Variants in PES1 observed in about 807,000 individuals in gnomAD.
PES1 encodes pescadillo ribosomal biogenesis factor 1.
Under a neutral mutation model 77.1 loss-of-function variants are expected in PES1, and 31 were observed. The observed-to-expected ratio is 0.40, with a 90% confidence interval of 0.30 to 0.54. The LOEUF (loss-of-function observed/expected upper bound fraction) is 0.54, where lower values mean the gene tolerates loss of function less well. Among genes scored for constraint, PES1 ranks in the 20% least tolerant of loss-of-function variants. PES1 has a pLI of 0.45. For synonymous variants in PES1, 282 were observed against 303.0 expected (o/e 0.93, Z 0.72); for missense variants, 658 against 771.7 (o/e 0.85, Z 1.75).
chr22:30,580,071 T>C lies in PES1; in HGVS notation c.1151A>G (p.Gln384Arg). The change falls in exon 11 of 15, where the codon CAG (glutamine) becomes CGG (arginine). Residue 384 changes from glutamine (Q) to arginine (R), a missense_variant. Gln to Arg is a conservative substitution (Grantham distance 43, BLOSUM62 1). Transcript: ENST00000354694. Reference sequence around the variant, plus strand: ...GGCCTACCTGCCAATGACTGAGGTCTGCTGCCCAGGCCGGTCGACAATCTG... The same window carrying C: ...GGCCTACCTGCCAATGACTGAGGTCCGCTGCCCAGGCCGGTCGACAATCTG... ...THQIVDRPGQ[Q>R]TSVIGRCYVQ... 1.2e-6 allele frequency: 2 copies of C among 1,614,130 alleles called. No homozygotes were observed. The highest frequency in any genetic ancestry group is 1.7e-6 in the Non-Finnish European group (2 of 1,179,982).
chr22:30,587,241 C>A, intron 4 of PES1, 45 bp downstream of exon 4: 2 of 1,291,540 alleles, frequency 1.5e-6, no homozygotes, highest in Non-Finnish European at 2.3e-6. Context: ...CAGAGACCAG[C>A]AGTAAATGAA....
Position 30,606,807 on chromosome 22 carries a change from AC to A in PES1, c.-718+1del. 1.0e-6 allele frequency: 1 copy of A among 992,428 alleles called. No individual in the cohort carries two copies. The highest frequency in any genetic ancestry group is 1.2e-6 in the Non-Finnish European group (1 of 833,812). 61.5% of individuals were successfully genotyped at this position (992,428 alleles called of 1,614,324 possible). A position where few individuals can be genotyped will look rare whatever the true frequency, so the allele number is the denominator to read the frequency against. On this transcript the variant is annotated splice_donor_variant, in intron 1 of 16. Transcript: ENST00000402281. LOFTEE classifies it low-confidence loss of function (5UTR_SPLICE). Reference sequence around the variant, plus strand: ...ACAGCTGACTCCAGCAATGCTGCTCACGTGACCACTGCAGCTGCAGCTCCCG... The same window carrying A: ...ACAGCTGACTCCAGCAATGCTGCTCAGTGACCACTGCAGCTGCAGCTCCCG...
At chr22:30,579,347 T>C (rs1345895531) in intron 12 of PES1, 44 bp from the exon 13 acceptor site, 3 of 1,599,026 alleles carry the variant, frequency 1.9e-6, no homozygotes, top group Admixed American at 1.7e-5. Context: ...GAATCTACTG[T>C]CTCTCTGGCA....
At chr22:30,606,916 A>G (rs150873615) in exon 1 of PES1, 39 of 1,065,480 alleles carry the variant, frequency 3.7e-5, no homozygotes, top group Middle Eastern at 4.5e-4. Flanking sequence ...GGTCCTGCCA[A>G]TCCACCACTG....
chr22:30,581,312 T>C (rs1278991694), intron 8 of PES1, 22 bp downstream of exon 8: 2 of 1,611,244 alleles, frequency 1.2e-6, no homozygotes, highest in Non-Finnish European at 1.7e-6. Flanking sequence ...AGATGCCGGA[T>C]GATGCTCCTG....
chr22:30,593,062 T>C (rs2087206045), upstream of PES1, among the ~76,000 whole-genome samples: 1 of 152,172 alleles, frequency 6.6e-6, no homozygotes. Flanking sequence ...GAATGTGACC[T>C]GGCCCAAGGA....
In PES1 at chr22:30,587,313, T is replaced by C. The variant is rs2087105520; in HGVS notation, c.341A>G (p.Tyr114Cys). 6.2e-7 allele frequency: 1 copy of C among 1,613,362 alleles called. No homozygotes were observed. Among genetic ancestry groups the C allele is most frequent in the East Asian group, 2.2e-5 (1 of 44,878 alleles). Residue 114 changes from tyrosine to cysteine, a missense_variant, in exon 4 of 15, where the codon TAC becomes TGC. Coordinates refer to ENST00000354694, the MANE Select transcript of PES1 (RefSeq NM_014303.4). ...TTCCTTGATGATGTGGTCGAGTTTG[T>C]AGTTGGGCTTATTGTCCTTTAAACG... is the stretch of plus-strand genomic sequence containing the variant. ...VERLKDNKPN[Y>C]KLDHIIKERY...
At chr22:30,599,638 G>A (rs552756622) in intron 2 of PES1, among the ~76,000 whole-genome samples, 1 of 152,232 alleles carries the variant, frequency 6.6e-6, no homozygotes, top group Non-Finnish European at 1.5e-5. Flanking sequence ...GGTGGCTCAC[G>A]CCTGTAATCC....
At position 30,591,851 on chromosome 22, in the gene PES1, C is replaced by G; in HGVS notation, c.-18G>C. On this transcript the variant is annotated 5_prime_UTR_variant, in exon 1 of 15. Transcript: ENST00000354694. ...CCTCCCATCGCTCCACGTTGAGGAGCCGACTAGGGCCGCGCGTACAGGGAG... is the reference window on the plus strand; with the variant it reads ...CCTCCCATCGCTCCACGTTGAGGAGGCGACTAGGGCCGCGCGTACAGGGAG... 1 of 1,550,852 alleles carries G rather than the reference C, an allele frequency of 6.4e-7. No individual in the cohort carries two copies.
rs545460660 is a variant in PES1, at chr22:30,584,643, G to A, written c.443C>T (p.Pro148Leu). ...CTGCACGTGGCACTTGCCAGTCCGC[G>A]GGAAGGTGGAAAACAGGAAGCACAT... ...LSMCFLFSTF[P>L]RTGKCHVQTI... Residue 148 changes from proline to leucine, a missense_variant, in exon 5 of 15, where the codon CCG becomes CTG. Coordinates refer to ENST00000354694, the MANE Select transcript of PES1 (RefSeq NM_014303.4). The A allele has an allele frequency of 8.6e-5, 138 of 1,613,844 alleles. 1 individual carries two copies. The highest frequency in any genetic ancestry group is 6.1e-4 in the South Asian group (56 of 91,088).
chr22:30,602,801 T>C (rs889926002), intron 2 of PES1, among the ~76,000 whole-genome samples: 4 of 152,230 alleles, frequency 2.6e-5, no homozygotes, highest in Non-Finnish European at 5.9e-5. Context: ...GGTGTATGTT[T>C]AGGTTGATTT....
At position 30,580,052 on chromosome 22, in the gene PES1, C is replaced by T; in HGVS notation, c.1169+1G>A. ...CCGGACGAGGACCCTTGAGGGCCTACCTGCCAATGACTGAGGTCTGCTGCC... is the reference window on the plus strand; with the variant it reads ...CCGGACGAGGACCCTTGAGGGCCTATCTGCCAATGACTGAGGTCTGCTGCC... On this transcript the variant is annotated splice_donor_variant, in intron 11 of 14. Transcript: ENST00000354694. LOFTEE classifies it high-confidence loss of function. 1 of 1,613,686 alleles carries T rather than the reference C, an allele frequency of 6.2e-7. No homozygotes were observed. Among genetic ancestry groups the T allele is most frequent in the Non-Finnish European group, 8.5e-7 (1 of 1,179,784 alleles).
At chr22:30,580,463 A>C in intron 10 of PES1, 108 bp downstream of exon 10, 1 of 1,425,080 alleles carries the variant, frequency 7.0e-7, no homozygotes, top group South Asian at 1.3e-5. Context: ...CTGTTTCATA[A>C]GAAGTGGAAA....
chr22:30,579,345 T>C (rs760276690), intron 12 of PES1, 42 bp from the exon 13 acceptor site: 4 of 1,599,092 alleles, frequency 2.5e-6, no homozygotes, highest in Admixed American at 3.3e-5. Flanking sequence ...GGGAATCTAC[T>C]GTCTCTCTGG....
chr22:30,579,705 A>T, intron 12 of PES1, 46 bp downstream of exon 12: 1 of 1,573,626 alleles, frequency 6.4e-7, no homozygotes, highest in Non-Finnish European at 8.7e-7. Flanking sequence ...GGAAACAGCC[A>T]GCGTGGGCCC....
At chr22:30,599,145 C>T (rs1009096287) in intron 2 of PES1, among the ~76,000 whole-genome samples, 1 of 151,934 alleles carries the variant, frequency 6.6e-6, no homozygotes, top group Non-Finnish European at 1.5e-5. Flanking sequence ...GATCCACTTG[C>T]CTCAGCATCC....
At chr22:30,606,680 T>TCC (rs59346942) in intron 1 of PES1, 6 of 52,294 alleles carry the variant, frequency 1.1e-4, no homozygotes, top group Non-Finnish European at 1.4e-4. Context: ...ATTGCCCAAC[T>TCC]CCCCCCCCCC....
chr22:30,580,208 A>G, intron 10 of PES1, 30 bp from the exon 11 acceptor site: 4 of 1,591,932 alleles, frequency 2.5e-6, no homozygotes, highest in Non-Finnish European at 2.6e-6. Context: ...CCACACGGGT[A>G]CACAGACATG....
chr22:30,597,301 C>T (rs2087269188), intron 2 of PES1, among the ~76,000 whole-genome samples: 1 of 151,922 alleles, frequency 6.6e-6, no homozygotes, highest in Admixed American at 6.6e-5. Flanking sequence ...CCAGTATGAG[C>T]TCCAGTAGGT....
Sources: allele counts gnomAD v4.1 joint callset (sites outside exome capture counted in the v4.1 genomes callset), GRCh38; gene constraint gnomAD v4.1.1; transcripts MANE v1.5; gene names NCBI Gene and HGNC (gene_info 2026-07-23, HGNC 2026-07-21).